PROSER3: variants seen among roughly 807,000 people sequenced by gnomAD.
The protein encoded by PROSER3 is proline and serine-rich protein 3.
Under a neutral mutation model 50.2 loss-of-function variants are expected in PROSER3, and 33 were observed. That is an observed-to-expected ratio of 0.66 (90% CI 0.50 to 0.88). The LOEUF (loss-of-function observed/expected upper bound fraction) is 0.88. PROSER3 is among the 40% of genes least tolerant of loss of function. The pLI is 0.00. For missense variants in PROSER3, 623 were observed against 612.7 expected (o/e 1.02, Z -0.18); for synonymous variants, 266 against 259.3 (o/e 1.03, Z -0.25).
exon 10 of PROSER3, chr19:35,768,226 C>A: frequency 1.2e-6 from 2 of 1,612,532 alleles, no homozygotes; most frequent in South Asian, 2.2e-5. Flanking sequence ...AGAGCTGAGT[C>A]GGCAGAAAAG....
At chr19:35,761,933 C>A in intron 3 of PROSER3, 86 bp from the exon 4 acceptor site, 1 of 1,409,468 alleles carries the variant, frequency 7.1e-7, no homozygotes, top group Non-Finnish European at 9.5e-7. Context: ...TGCCATGGTG[C>A]TTGGTAAACG....
At chr19:35,769,765 T>C (rs1374589668), downstream of PROSER3, 1 of 151,696 alleles carries the variant, frequency 6.6e-6, no homozygotes, top group Non-Finnish European at 1.5e-5. Flanking sequence ...AGTTTCACCC[T>C]TGTTGCCCAG....
In PROSER3 at chr19:35,767,765, G is replaced by A. The variant is rs1391113274; in HGVS notation, c.958-39G>A. On this transcript the variant is annotated intron_variant, in intron 8 of 10. Transcript: ENST00000396908. The stretch of plus-strand genomic sequence containing the variant: ...CCAGGCCACACAACCCCAAACCAAG[G>A]TCACTCCCCCTCCATCTGAATCCCA... 3 of 1,581,266 alleles carry A rather than the reference G, an allele frequency of 1.9e-6. No homozygotes were observed. The African/African-American group carries it at 4.0e-5, about 21-fold the overall frequency.
intron 1 of PROSER3, 70 bp downstream of exon 1, chr19:35,758,296 A>AG: frequency 6.6e-7 from 1 of 1,516,120 alleles, no homozygotes; most frequent in Middle Eastern, 1.7e-4. Flanking sequence ...AGCACAGCCT[A>AG]GGACGGGCTG....
intron 1 of PROSER3, 44 bp from the exon 2 acceptor site, chr19:35,759,330 G>T (rs1183240071): frequency 6.6e-7 from 1 of 1,524,440 alleles, no homozygotes; most frequent in Non-Finnish European, 9.0e-7. Flanking sequence ...CCCCAGGGCT[G>T]CGGCGAAACC....
In PROSER3 at chr19:35,767,298, C is replaced by T. The variant is rs573009935; in HGVS notation, c.957+343C>T. 9.7e-5 allele frequency: 29 copies of T among 297,926 alleles called. No individual in the cohort carries two copies. The Admixed American group carries it at 1.1e-3, about 11-fold the overall frequency. 18.5% of individuals were successfully genotyped at this position (297,926 alleles called of 1,614,324 possible). ...GTATCCCTTGGGGCTGTTCCTCCCA[C>T]GCAGCAGGCCTCCACCCTAGCACAT... On this transcript the variant is annotated intron_variant, in intron 8 of 10. Coordinates refer to ENST00000396908, the Ensembl canonical transcript of PROSER3.
chr19:35,768,057 C>T (rs755644208), exon 9 of PROSER3: 3 of 1,583,234 alleles, frequency 1.9e-6, no homozygotes, highest in Admixed American at 1.8e-5. Flanking sequence ...CTGCTGCAGG[C>T]TGCAGAAGGT....
rs1568414846 is a variant in PROSER3, at chr19:35,767,946, C to CGCCGCCA, written c.1104_1110dup (p.Phe371AlafsTer19). On this transcript the variant is annotated frameshift_variant, in exon 9 of 11. Coordinates refer to ENST00000396908, the Ensembl canonical transcript of PROSER3. LOFTEE classifies it high-confidence loss of function. ...GAGCAGGCAACCACAGTCAAGGCCT[C>CGCCGCCA]GCCGCCAGCCTTCCAGGTGGGGTCT... 1 of 1,610,770 alleles carries CGCCGCCA rather than the reference C, an allele frequency of 6.2e-7. No homozygotes were observed. The highest frequency in any genetic ancestry group is 8.5e-7 in the Non-Finnish European group (1 of 1,179,452).
At chr19:35,761,192 G>A (rs1174834576) in intron 3 of PROSER3, among the ~76,000 whole-genome samples, 1 of 152,118 alleles carries the variant, frequency 6.6e-6, no homozygotes, top group African/African-American at 2.4e-5. Context: ...AGGCTACAAG[G>A]GTACCTGGTA....
chr19:35,759,013 G>A (rs1970864067), intron 1 of PROSER3: 1 of 202,312 alleles, frequency 4.9e-6, no homozygotes, highest in Non-Finnish European at 1.0e-5. Flanking sequence ...CAATCACCTG[G>A]GACGCTGCGG....
chr19:35,760,041 G>A, intron 3 of PROSER3, 50 bp downstream of exon 3: 3 of 1,449,916 alleles, frequency 2.1e-6, no homozygotes, highest in Non-Finnish European at 2.8e-6. Context: ...TTAGAGGGAG[G>A]GAGAAGGCAT....
chr19:35,770,708 C>T (rs1267390370), downstream of PROSER3: 2 of 151,640 alleles, frequency 1.3e-5, no homozygotes, highest in African/African-American at 4.9e-5. Context: ...TGAAATGTCT[C>T]TACTAAAAAT....
chr19:35,761,295 G>A (rs1672050098), intron 3 of PROSER3, among the ~76,000 whole-genome samples: 1 of 152,168 alleles, frequency 6.6e-6, no homozygotes, highest in African/African-American at 2.4e-5. Flanking sequence ...CAGCACTTTG[G>A]GAAGCCAAAG....
At chr19:35,769,132 C>T (rs1971269935) in exon 11 of PROSER3, 1 of 152,172 alleles carries the variant, frequency 6.6e-6, no homozygotes, top group Non-Finnish European at 1.5e-5. Flanking sequence ...ACTCTAAACC[C>T]CGTCTCTATT....
At chr19:35,764,996 G>C in intron 6 of PROSER3, 38 bp from the exon 7 acceptor site, 1 of 1,612,592 alleles carries the variant, frequency 6.2e-7, no homozygotes, top group Non-Finnish European at 8.5e-7. Flanking sequence ...CCCAGGTCTC[G>C]AGACCTCCAT....
At position 35,762,695 on chromosome 19, in the gene PROSER3, C is replaced by T. The variant is rs571969544; in HGVS notation, c.543+339C>T. ...GAGCTATGATCATGCCACTGCACTC[C>T]AGCCTGGGCAGTAGAGCAAGACCCT... On this transcript the variant is annotated intron_variant, in intron 5 of 10. Coordinates refer to ENST00000396908, the Ensembl canonical transcript of PROSER3. 4.3e-5 allele frequency: 8 copies of T among 187,338 alleles called. No homozygotes were observed. The South Asian group carries it at 1.4e-3, about 32-fold the overall frequency. The allele number at this position is 187,338 out of a possible 1,614,324, so 11.6% of individuals were successfully genotyped here. A position where few individuals can be genotyped will look rare whatever the true frequency, so the allele number is the denominator to read the frequency against.
At chr19:35,770,368 T>A (rs182359817), downstream of PROSER3, among the ~76,000 whole-genome samples, 325 of 152,228 alleles carry the variant, frequency 2.1e-3, 1 homozygote, top group Non-Finnish European at 3.6e-3. Context: ...AGAATTCAAC[T>A]GCTTCTCCCC....
exon 8 of PROSER3, chr19:35,766,925 G>A: frequency 5.8e-6 from 9 of 1,554,730 alleles, no homozygotes; most frequent in Non-Finnish European, 7.8e-6. Flanking sequence ...GAGCTTGGGT[G>A]CCGCCTCTGA....
In PROSER3 at chr19:35,766,014, T is replaced by C. The variant is rs540094572; in HGVS notation, c.770-754T>C. ...GAGAGAGGTGCAGCCAAGGGAGGGT[T>C]CTTAAGTACGAGAGGCCTGGTCTGA... On this transcript the variant is annotated intron_variant, in intron 7 of 10. Transcript: ENST00000396908. 1.2e-4 allele frequency among the ~76,000 whole-genome samples: 18 copies of C among 152,228 alleles called. No individual in the cohort carries two copies. In the South Asian group the frequency reaches 3.5e-3, roughly 30 times the overall value.
Sources: gnomAD v4.1 joint callset for allele counts (sites outside exome capture counted in the v4.1 genomes callset) on GRCh38, gnomAD v4.1.1 for gene constraint, MANE v1.5 for transcripts, NCBI Gene and HGNC (gene_info 2026-07-23, HGNC 2026-07-21) for gene names.